RASGEF1A: variants seen among roughly 807,000 people sequenced by gnomAD.
RASGEF1A encodes RasGEF domain family member 1A, also known as ras-GEF domain-containing family member 1A.
RASGEF1A carries 18 observed loss-of-function variants against 56.4 expected under a neutral mutation model. The observed-to-expected ratio is 0.32, with a 90% confidence interval of 0.22 to 0.47. The LOEUF (loss-of-function observed/expected upper bound fraction) is 0.47, where lower values mean the gene tolerates loss of function less well. Ranked by LOEUF, RASGEF1A falls within the 20% of genes least tolerant of loss-of-function variation. The pLI is 1.00. For missense variants in RASGEF1A, 422 were observed against 627.1 expected, an observed-to-expected ratio of 0.67 and a Z score of 3.49; for synonymous variants, 245 against 242.6, an observed-to-expected ratio of 1.01 and a Z score of -0.09.
At chr10:43,255,938 G>A (rs534215240) in intron 1 of RASGEF1A, among the ~76,000 whole-genome samples, 3 of 152,310 alleles carry the variant, frequency 2.0e-5, no homozygotes, top group Admixed American at 6.5e-5. Context: ...GGGCTTCTCC[G>A]ATGCCCTCCT....
chr10:43,202,310 GC>G (rs766055118), intron 3 of RASGEF1A, among the ~76,000 whole-genome samples: 10 of 152,230 alleles, frequency 6.6e-5, no homozygotes, highest in Admixed American at 1.3e-4. Flanking sequence ...GCTCCCGTCT[GC>G]CCCCTGTGGT....
At chr10:43,227,122 G>A (rs939205412) in intron 1 of RASGEF1A, among the ~76,000 whole-genome samples, 2 of 152,222 alleles carry the variant, frequency 1.3e-5, no homozygotes, top group African/African-American at 4.8e-5. Flanking sequence ...TGACATGACA[G>A]TTTGGTCTCC....
intron 1 of RASGEF1A, among the ~76,000 whole-genome samples, chr10:43,265,039 T>C (rs950152028): frequency 3.3e-5 from 5 of 152,122 alleles, no homozygotes; most frequent in Non-Finnish European, 7.4e-5. Flanking sequence ...CAGTGCCCAC[T>C]CGCTCTCCTC....
intron 1 of RASGEF1A, among the ~76,000 whole-genome samples, chr10:43,212,006 G>C (rs1181812907): frequency 6.6e-6 from 1 of 152,172 alleles, no homozygotes; most frequent in Non-Finnish European, 1.5e-5. Context: ...TTGCCTCAAT[G>C]GTGCCCAGTG....
chr10:43,239,125 G>T (rs962370902), intron 1 of RASGEF1A, among the ~76,000 whole-genome samples: 1 of 152,228 alleles, frequency 6.6e-6, no homozygotes, highest in Non-Finnish European at 1.5e-5. Flanking sequence ...TGTGGCAGCT[G>T]CAGGGTATTC....
chr10:43,255,979 T>G (rs895126367), intron 1 of RASGEF1A, among the ~76,000 whole-genome samples: 13 of 152,320 alleles, frequency 8.5e-5, no homozygotes, highest in Admixed American at 7.2e-4. Context: ...ATGCTAAAGC[T>G]GCACGCCTGT....
intron 1 of RASGEF1A, among the ~76,000 whole-genome samples, chr10:43,214,063 C>A (rs902633641): frequency 2.6e-5 from 4 of 152,236 alleles, no homozygotes; most frequent in African/African-American, 9.6e-5. Context: ...AGTGTGTACA[C>A]CTTTCCTGAG....
At chr10:43,244,074 C>T (rs1388499330) in intron 1 of RASGEF1A, among the ~76,000 whole-genome samples, 2 of 152,210 alleles carry the variant, frequency 1.3e-5, no homozygotes, top group South Asian at 2.1e-4. Flanking sequence ...TGCTGTTAAT[C>T]TATAACCTTA....
chr10:43,218,615 A>G (rs904985761), intron 1 of RASGEF1A, among the ~76,000 whole-genome samples: 3 of 152,252 alleles, frequency 2.0e-5, no homozygotes, highest in African/African-American at 7.2e-5. Context: ...ATCAGAGGGC[A>G]GGGGCCACGC....
chr10:43,205,655 C>T (rs569938339), intron 2 of RASGEF1A, among the ~76,000 whole-genome samples: 6 of 152,172 alleles, frequency 3.9e-5, no homozygotes, highest in Non-Finnish European at 5.9e-5. Context: ...TTCTGCTTCC[C>T]GTGTCCCTAG....
At chr10:43,212,041 CT>C (rs1840076036) in intron 1 of RASGEF1A, among the ~76,000 whole-genome samples, 2 of 152,208 alleles carry the variant, frequency 1.3e-5, no homozygotes, top group South Asian at 4.1e-4. Context: ...GCCACTGCTT[CT>C]GACCTGTGGC....
intron 6 of RASGEF1A, 64 bp from the exon 7 acceptor site, chr10:43,199,832 C>G (rs138086250): frequency 1.2e-5 from 16 of 1,351,968 alleles, no homozygotes; most frequent in Non-Finnish European, 1.7e-5. Context: ...TTAGTCCCCA[C>G]AGCTGGCCCT....
chr10:43,221,388 G>T (rs1018405117), intron 1 of RASGEF1A, among the ~76,000 whole-genome samples: 3 of 152,166 alleles, frequency 2.0e-5, no homozygotes, highest in Admixed American at 6.5e-5. Context: ...AGACACAGCC[G>T]TCTCCATGCC....
At chr10:43,204,774 G>A (rs894522078) in intron 2 of RASGEF1A, among the ~76,000 whole-genome samples, 9 of 152,094 alleles carry the variant, frequency 5.9e-5, no homozygotes, top group South Asian at 2.1e-4. Context: ...CTGGGTGACC[G>A]CCAAGGTGGC....
At chr10:43,236,156 A>T (rs1200138263) in intron 1 of RASGEF1A, among the ~76,000 whole-genome samples, 1 of 152,148 alleles carries the variant, frequency 6.6e-6, no homozygotes, top group East Asian at 1.9e-4. Context: ...TGCAAAAATA[A>T]TGTTAAAGGT....
At position 43,199,209 on chromosome 10, in the gene RASGEF1A, G is replaced by A. The variant is rs188782143; in HGVS notation, c.850-15C>T. 6 of 1,583,464 alleles carry A rather than the reference G, an allele frequency of 3.8e-6. No homozygotes were observed. The highest frequency in any genetic ancestry group is 2.7e-5 in the African/African-American group (2 of 74,438). On this transcript the variant is annotated splice_polypyrimidine_tract_variant and intron_variant, in intron 7 of 12. Coordinates refer to ENST00000395810, the MANE Select transcript of RASGEF1A (RefSeq NM_145313.4). Reference sequence around the variant, plus strand: ...TTCTTCACCACCTGGAAGGTGGCAGGTGACCTCAGCATGGCGCTGCCGGGG... The same window carrying A: ...TTCTTCACCACCTGGAAGGTGGCAGATGACCTCAGCATGGCGCTGCCGGGG...
chr10:43,239,226 T>G (rs1489833585), intron 1 of RASGEF1A, among the ~76,000 whole-genome samples: 1 of 152,244 alleles, frequency 6.6e-6, no homozygotes, highest in Non-Finnish European at 1.5e-5. Flanking sequence ...AAAACACTCC[T>G]GCAATGGGCA....
intron 10 of RASGEF1A, among the ~76,000 whole-genome samples, 180 bp from the exon 11 acceptor site, chr10:43,197,279 G>A (rs1300583391): frequency 6.6e-6 from 1 of 152,220 alleles, no homozygotes; most frequent in Non-Finnish European, 1.5e-5. Flanking sequence ...CAGCCTCAGA[G>A]CCAGCAGGTG....
intron 1 of RASGEF1A, chr10:43,229,615 C>A: frequency 6.7e-7 from 1 of 1,489,908 alleles, no homozygotes; most frequent in Non-Finnish European, 8.9e-7. Flanking sequence ...CGGCCTTGCG[C>A]CTGGGCCCGC....
Sources: gnomAD v4.1 joint callset for allele counts (sites outside exome capture counted in the v4.1 genomes callset) on GRCh38, gnomAD v4.1.1 for gene constraint, MANE v1.5 for transcripts, NCBI Gene and HGNC (gene_info 2026-07-23, HGNC 2026-07-21) for gene names.